EXOC6B: variants seen among roughly 807,000 people sequenced by gnomAD.
The protein encoded by EXOC6B is exocyst complex component 6B.
In EXOC6B, 54 loss-of-function variants were observed where a neutral mutation model predicts 113.5. That is an observed-to-expected ratio of 0.48 (90% CI 0.38 to 0.60). The LOEUF is 0.60. Ranked by LOEUF, EXOC6B falls within the 20% of genes least tolerant of loss-of-function variation. The probability of loss-of-function intolerance (pLI) is 0.00; values close to 1 mark genes in which losing one functional copy is unlikely to be tolerated. For missense variants in EXOC6B, 797 were observed against 977.5 expected (o/e 0.82, Z 2.46); for synonymous variants, 357 against 339.0 (o/e 1.05, Z -0.58).
intron 18 of EXOC6B, among the ~76,000 whole-genome samples, chr2:72,391,557 A>C (rs1692383837): frequency 1.3e-5 from 2 of 152,238 alleles, no homozygotes; most frequent in South Asian, 4.1e-4. Flanking sequence ...AGCTTCCAGA[A>C]TCTGTGGATT....
intron 1 of EXOC6B, among the ~76,000 whole-genome samples, chr2:72,804,409 T>A (rs1426074552): frequency 6.6e-6 from 1 of 152,174 alleles, no homozygotes; most frequent in Non-Finnish European, 1.5e-5. Flanking sequence ...TAAATCATTA[T>A]TATAGTGACA....
At chr2:72,461,988 A>G (rs1305637246) in intron 18 of EXOC6B, 1 of 152,080 alleles carries the variant, frequency 6.6e-6, no homozygotes, top group African/African-American at 2.4e-5. Context: ...TTTTGCTTAC[A>G]AATGAATTTC....
At chr2:72,578,763 C>T (rs1319507614) in intron 6 of EXOC6B, among the ~76,000 whole-genome samples, 2 of 151,818 alleles carry the variant, frequency 1.3e-5, no homozygotes, top group Non-Finnish European at 2.9e-5. Context: ...TATGATTTTT[C>T]AGAGATAAAT....
chr2:72,718,030 G>C, intron 6 of EXOC6B, 73 bp downstream of exon 6: 1 of 1,130,426 alleles, frequency 8.8e-7, no homozygotes, highest in Non-Finnish European at 1.2e-6. Context: ...CTAGACACTT[G>C]GCAAAGAGAA....
intron 6 of EXOC6B, among the ~76,000 whole-genome samples, chr2:72,704,760 C>G (rs1243623528): frequency 6.7e-6 from 1 of 149,898 alleles, no homozygotes; most frequent in African/African-American, 2.4e-5. Flanking sequence ...CACATACACT[C>G]TCCCAAGACT....
At chr2:72,443,320 CAA>C (rs61290907) in intron 18 of EXOC6B, among the ~76,000 whole-genome samples, 2,033 of 92,726 alleles carry the variant, frequency 0.022, 28 homozygotes, top group African/African-American at 0.052. Context: ...GAGATTCTGT[CAA>C]AAAAAAAAAA....
chr2:72,676,203 A>G (rs1676300036), intron 6 of EXOC6B, among the ~76,000 whole-genome samples: 1 of 152,114 alleles, frequency 6.6e-6, no homozygotes, highest in Non-Finnish European at 1.5e-5. Context: ...TACTTATGAT[A>G]AGCCACTCTT....
At chr2:72,301,030 T>C (rs1686488239) in intron 20 of EXOC6B, among the ~76,000 whole-genome samples, 1 of 152,198 alleles carries the variant, frequency 6.6e-6, no homozygotes, top group South Asian at 2.1e-4. Flanking sequence ...CAATACCTAG[T>C]TATTGAGAGT....
At chr2:72,578,675 C>A (rs542804254) in intron 6 of EXOC6B, among the ~76,000 whole-genome samples, 1 of 152,100 alleles carries the variant, frequency 6.6e-6, no homozygotes, top group African/African-American at 2.4e-5. Flanking sequence ...AAGATGGAGA[C>A]CCTGACCCCT....
intron 20 of EXOC6B, among the ~76,000 whole-genome samples, chr2:72,257,264 A>C (rs375735089): frequency 1.1e-4 from 17 of 152,206 alleles, no homozygotes; most frequent in African/African-American, 3.9e-4. Flanking sequence ...TTAAAAAAAA[A>C]CCATATCTTT....
intron 20 of EXOC6B, among the ~76,000 whole-genome samples, chr2:72,211,170 A>C (rs1349625630): frequency 6.6e-6 from 1 of 152,166 alleles, no homozygotes; most frequent in African/African-American, 2.4e-5. Flanking sequence ...ACCAGTTTCC[A>C]TGTGCCCTTG....
chr2:72,491,789 C>T (rs1699758564), intron 16 of EXOC6B, among the ~76,000 whole-genome samples: 1 of 152,016 alleles, frequency 6.6e-6, no homozygotes, highest in African/African-American at 2.4e-5. Flanking sequence ...TCCCTTGATC[C>T]CAAATATCTA....
intron 18 of EXOC6B, among the ~76,000 whole-genome samples, chr2:72,384,284 C>T (rs893027557): frequency 1.3e-5 from 2 of 151,836 alleles, no homozygotes; most frequent in African/African-American, 4.8e-5. Flanking sequence ...TCAATAGATG[C>T]AGAAAAGGCA....
rs1307255290 is a variant in EXOC6B at position 72,578,968 on chromosome 2, T to G, written c.670-3300A>C. ...CAATGAAAGAATGTAAGCAGGGGAATAATGGATCAGCTTTACAATTCAGAC... is the reference window on the plus strand; with the variant it reads ...CAATGAAAGAATGTAAGCAGGGGAAGAATGGATCAGCTTTACAATTCAGAC... On this transcript the variant is annotated intron_variant, in intron 6 of 21. Coordinates refer to ENST00000272427, the MANE Select transcript of EXOC6B (RefSeq NM_015189.3). Among the ~76,000 whole-genome samples the G allele has an allele frequency of 2.0e-5, 3 of 152,144 alleles. No individual in the cohort carries two copies. The East Asian group carries it at 5.8e-4, about 29-fold the overall frequency.
At chr2:72,217,355 TAG>T (rs1680602169) in intron 20 of EXOC6B, among the ~76,000 whole-genome samples, 1 of 152,140 alleles carries the variant, frequency 6.6e-6, no homozygotes, top group African/African-American at 2.4e-5. Context: ...TCTGAGTTGG[TAG>T]AGCACAGATA....
intron 19 of EXOC6B, among the ~76,000 whole-genome samples, chr2:72,357,521 T>C (rs1690038799): frequency 6.6e-6 from 1 of 151,922 alleles, no homozygotes; most frequent in South Asian, 2.1e-4. Context: ...TGAAACCTTG[T>C]CTCTAAAAAA....
At chr2:72,615,102 G>A (rs1361820511) in intron 6 of EXOC6B, among the ~76,000 whole-genome samples, 3 of 152,008 alleles carry the variant, frequency 2.0e-5, no homozygotes, top group African/African-American at 7.2e-5. Flanking sequence ...AAAACAAGAT[G>A]CTGGAAAAGC....
At chr2:72,499,873 T>G in intron 12 of EXOC6B, 28 bp downstream of exon 12, 1 of 1,470,744 alleles carries the variant, frequency 6.8e-7, no homozygotes, top group Non-Finnish European at 9.3e-7. Context: ...CCAATCTAGA[T>G]GAGCATATGT....
intron 6 of EXOC6B, among the ~76,000 whole-genome samples, chr2:72,641,924 C>A (rs1432800282): frequency 6.6e-6 from 1 of 152,244 alleles, no homozygotes; most frequent in Non-Finnish European, 1.5e-5. Context: ...GCAGCCTCCG[C>A]TGGTGATACC....
Sources: allele counts gnomAD v4.1 joint callset (sites outside exome capture counted in the v4.1 genomes callset), GRCh38; gene constraint gnomAD v4.1.1; transcripts MANE v1.5; gene names NCBI Gene and HGNC (gene_info 2026-07-23, HGNC 2026-07-21).